CCNB3: variants seen among roughly 807,000 people sequenced by gnomAD.
CCNB3 encodes the protein G2/mitotic-specific cyclin-B3.
Under a neutral mutation model 68.0 loss-of-function variants are expected in CCNB3, and 12 were observed. The observed-to-expected ratio is 0.18, with a 90% CI of 0.11 to 0.29. The LOEUF (loss-of-function observed/expected upper bound fraction) is 0.29, where lower values mean the gene tolerates loss of function less well. Among genes scored for constraint, CCNB3 ranks in the 10% least tolerant of loss-of-function variants. The pLI is 1.00. For synonymous variants in CCNB3, 354 were observed against 388.9 expected (o/e 0.91, Z 1.06); for missense variants, 904 against 993.1 (o/e 0.91, Z 1.21).
chrX:50,228,075 T>A (rs1935948423), intron 1 of CCNB3, among the ~76,000 whole-genome samples: 1 of 87,777 alleles, frequency 1.1e-5, no homozygotes, highest in Non-Finnish European at 2.1e-5. Context: ...AATATATATA[T>A]AAATATTTAG....
chrX:50,308,724 G>A lies in CCNB3; in HGVS notation c.555G>A (p.Glu185=), dbSNP rs1435307450. The change falls in exon 6 of 13, where the codon GAG becomes GAA. Residue 185 remains glutamate, a synonymous_variant. Coordinates refer to ENST00000376042, the MANE Select transcript of CCNB3 (RefSeq NM_033031.3). ...CTTTAAAAAAGTGCTCAAATCATGA[G>A]GAGGTGTCCTTACTGGAAAAGCTAC... ...SLSLKKCSNH[E]EVSLLEKLQP... The A allele has an allele frequency of 8.3e-7, 1 of 1,210,941 alleles. No individual in the cohort carries two copies.
At chrX:50,217,969 G>A (rs1343756655) in intron 1 of CCNB3, among the ~76,000 whole-genome samples, 1 of 111,454 alleles carries the variant, frequency 9.0e-6, no homozygotes, top group Non-Finnish European at 1.9e-5. Context: ...GGGTAAAAGG[G>A]TTCAAACATT....
chrX:50,338,386 A>G (rs1002379842), intron 8 of CCNB3, among the ~76,000 whole-genome samples: 12 of 111,987 alleles, frequency 1.1e-4, no homozygotes, highest in African/African-American at 3.9e-4. Flanking sequence ...AGCAATTCCT[A>G]TCCCTTTTAA....
At chrX:50,351,491 T>C in intron 12 of CCNB3, 116 bp from the exon 13 acceptor site, 1 of 1,058,056 alleles carries the variant, frequency 9.5e-7, no homozygotes, top group East Asian at 3.0e-5. Context: ...CACCTTCCTT[T>C]CTACTCTAGG....
At chrX:50,335,083 C>T (rs1308644558) in intron 8 of CCNB3, among the ~76,000 whole-genome samples, 4 of 111,808 alleles carry the variant, frequency 3.6e-5, no homozygotes, top group African/African-American at 1.3e-4. Context: ...TGTGGAGTGT[C>T]CCAGCAGAAG....
intron 1 of CCNB3, among the ~76,000 whole-genome samples, chrX:50,226,278 T>TATTTATATATATAGAATATATAA (rs1935786853): frequency 1.6e-5 from 1 of 62,886 alleles, no homozygotes; most frequent in Non-Finnish European, 2.5e-5. Flanking sequence ...AGAATATATA[T>TATTTATATATATAGAATATATAA]ATTTATATAT....
At chrX:50,312,690 A>G in intron 7 of CCNB3, 58 bp downstream of exon 7, 4 of 796,807 alleles carry the variant, frequency 5.0e-6, no homozygotes, top group Non-Finnish European at 7.5e-6. Context: ...TCATCATTCC[A>G]TCCTTCAGTG....
rs372453177 is a variant in CCNB3, at chrX:50,310,150, A to G, written c.1981A>G (p.Ile661Val). 5.8e-6 allele frequency: 7 copies of G among 1,208,971 alleles called. No homozygotes were observed. In the African/African-American group the frequency reaches 1.2e-4, roughly 21 times the overall value. Residue 661 changes from isoleucine to valine, a missense_variant, in exon 6 of 13, where the codon ATC (isoleucine) becomes GTC (valine). This residue lies in a region of CCNB3 where 619 missense variants were observed against 609.8 expected (regional missense o/e 1.02). Transcript: ENST00000376042. Reference sequence around the variant, plus strand: ...GTCCCTCTCAAAAGAGTCATTGGCCATCCAAGAGAAGGCTACCACTGAGGA... The same window carrying G: ...GTCCCTCTCAAAAGAGTCATTGGCCGTCCAAGAGAAGGCTACCACTGAGGA... ...EVSLSKESLA[I>V]QEKATTEEEF...
intron 1 of CCNB3, among the ~76,000 whole-genome samples, chrX:50,227,553 G>C (rs997731592): frequency 3.9e-5 from 2 of 51,382 alleles, no homozygotes; most frequent in Admixed American, 5.7e-4. Context: ...TATAGAGAGA[G>C]ATATAAATAC....
At chrX:50,279,799 A>G (rs1294226498) in intron 1 of CCNB3, among the ~76,000 whole-genome samples, 1 of 88,536 alleles carries the variant, frequency 1.1e-5, no homozygotes, top group Non-Finnish European at 2.1e-5. Context: ...AATATATACT[A>G]TATATAGAAT....
chrX:50,351,676 T>C lies in CCNB3; in HGVS notation c.4161T>C (p.Asp1387=). 8.3e-7 allele frequency: 1 copy of C among 1,211,111 alleles called. No homozygotes were observed. Among genetic ancestry groups the C allele is most frequent in the Non-Finnish European group, 1.1e-6 (1 of 895,022 alleles). The change falls in exon 13 of 13, where the codon GAT becomes GAC. Residue 1387 remains aspartate (D), a synonymous_variant. Coordinates refer to ENST00000376042, the MANE Select transcript of CCNB3 (RefSeq NM_033031.3). ...AGCTGGAGGAGATTTTGAACTGTGA[T>C]TGTGAGGCTCAGGGCCTGGTACTCT... The part of the protein sequence containing the change: ...MLKLEEILNC[D]CEAQGLVL
chrX:50,280,921 C>T (rs1489923945), intron 1 of CCNB3, among the ~76,000 whole-genome samples: 1 of 109,508 alleles, frequency 9.1e-6, no homozygotes, highest in African/African-American at 3.3e-5. Context: ...CACTACGCTC[C>T]GACTGATTTT....
chrX:50,350,248 T>TACACACACACACACACAC (rs35500925), intron 11 of CCNB3, among the ~76,000 whole-genome samples: 23 of 95,239 alleles, frequency 2.4e-4, no homozygotes, highest in African/African-American at 8.1e-4. Flanking sequence ...CATACACAAA[T>TACACACACACACACACAC]ACACACACAC....
chrX:50,310,439 G>T lies in CCNB3; in HGVS notation c.2270G>T (p.Gly757Val). ...LSLKKKSTSH[G>V]KVFFLKKQLA... ...TTAAAGAAGAAGTCCACTTCTCATG[G>T]AAAAGTGTTCTTCCTGAAGAAGCAG... Residue 757 changes from glycine to valine, a missense_variant, in exon 6 of 13, where the codon GGA becomes GTA. By Grantham distance (109) the Gly-to-Val change is moderately radical. Transcript: ENST00000376042. 8.3e-7 allele frequency: 1 copy of T among 1,210,866 alleles called. No homozygotes were observed. Among genetic ancestry groups the T allele is most frequent in the Non-Finnish European group, 1.1e-6 (1 of 894,915 alleles).
Position 50,351,334 on chromosome X carries a change from G to T in CCNB3, c.4054G>T (p.Asp1352Tyr). 2 of 1,211,048 alleles carry T rather than the reference G, an allele frequency of 1.7e-6. No homozygotes were observed. The highest frequency in any genetic ancestry group is 3.5e-5 in the South Asian group (2 of 56,961). ...CAAACTGCTGACTTTCAGTTCTTAC[G>T]ATAGTCTCAAGGCTGTGTATTACAA... ...LNKLLTFSSY[D>Y]SLKAVYYKYS... The change falls in exon 12 of 13, where the codon GAT (aspartate) becomes TAT (tyrosine). Residue 1352 changes from aspartate to tyrosine, a missense_variant. By Grantham distance (160) the Asp-to-Tyr change is radical (BLOSUM62 -3). Transcript: ENST00000376042.
intron 1 of CCNB3, among the ~76,000 whole-genome samples, chrX:50,281,131 A>G (rs1418748236): frequency 9.0e-6 from 1 of 111,042 alleles, no homozygotes; most frequent in African/African-American, 3.3e-5. Context: ...CAATTATACC[A>G]GAAACAACAC....
intron 5 of CCNB3, among the ~76,000 whole-genome samples, chrX:50,304,305 G>C (rs1936711263): frequency 1.8e-5 from 2 of 111,184 alleles, no homozygotes; most frequent in African/African-American, 6.6e-5. Context: ...AGATTGTTTT[G>C]ACTATTTTGG....
chrX:50,218,786 G>A (rs1935622880), intron 1 of CCNB3, among the ~76,000 whole-genome samples: 1 of 111,611 alleles, frequency 9.0e-6, no homozygotes, highest in South Asian at 3.8e-4. Context: ...TAATCCTTTG[G>A]GCATATACCC....
chrX:50,331,762 C>T (rs1272513324), intron 8 of CCNB3, among the ~76,000 whole-genome samples: 2 of 111,755 alleles, frequency 1.8e-5, no homozygotes, highest in African/African-American at 6.5e-5. Context: ...AACATTGGCT[C>T]AGGAGAGCGT....
Sources: gnomAD v4.1 joint callset for allele counts (sites outside exome capture counted in the v4.1 genomes callset) on GRCh38, gnomAD v4.1.1 for gene constraint, gnomAD v4.1.1 regional missense constraint, MANE v1.5 for transcripts, NCBI Gene and HGNC (gene_info 2026-07-23, HGNC 2026-07-21) for gene names.